The following CNTN5 variants were observed in gnomAD, a reference collection of about 807,000 sequenced individuals.
CNTN5 encodes contactin-5.
A neutral mutation model predicts 129.1 loss-of-function variants in CNTN5; 77 were observed. That is an observed-to-expected ratio of 0.60 (90% CI 0.50 to 0.72). The LOEUF (loss-of-function observed/expected upper bound fraction) is 0.72. Ranked by LOEUF, CNTN5 falls within the 30% of genes least tolerant of loss-of-function variation. The probability of loss-of-function intolerance (pLI) is 0.00; values close to 1 mark genes in which losing one functional copy is unlikely to be tolerated. For missense variants in CNTN5, 1,478 were observed against 1,328.8 expected (o/e 1.11, Z -1.75); for synonymous variants, 509 against 465.6 (o/e 1.09, Z -1.20).
chr11:99,294,771 C>T (rs578095080), intron 1 of CNTN5, among the ~76,000 whole-genome samples: 7 of 152,280 alleles, frequency 4.6e-5, no homozygotes, highest in Admixed American at 3.9e-4. Flanking sequence ...ACACCACTGT[C>T]GACGACGTTC....
chr11:99,745,381 C>T (rs1944020408), intron 3 of CNTN5, among the ~76,000 whole-genome samples: 1 of 152,132 alleles, frequency 6.6e-6, no homozygotes, highest in East Asian at 1.9e-4. Flanking sequence ...TTTCCAAAGG[C>T]TCGGTGTTCA....
chr11:100,261,585 G>T (rs1014253234), intron 17 of CNTN5, among the ~76,000 whole-genome samples: 1 of 152,098 alleles, frequency 6.6e-6, no homozygotes, highest in Non-Finnish European at 1.5e-5. Context: ...GCATGGTACT[G>T]GTACCAAAAC....
chr11:99,780,174 GTT>G lies in CNTN5; in HGVS notation c.56-39364_56-39363del, dbSNP rs200992241. ...TACTGTTATCAAGTCCTCCTTCTTAGTTTTTTTCCCCCCCTTCAGATTAATTA... is the reference window on the plus strand; with the variant it reads ...TACTGTTATCAAGTCCTCCTTCTTAGTTTTTCCCCCCCTTCAGATTAATTA... On this transcript the variant is annotated intron_variant, in intron 3 of 24. Transcript: ENST00000524871. 3.9e-5 allele frequency among the ~76,000 whole-genome samples: 6 copies of G among 151,912 alleles called. 1 individual carries two copies. The East Asian group carries it at 1.2e-3, about 30-fold the overall frequency.
At chr11:99,602,115 A>G (rs1950330166) in intron 3 of CNTN5, among the ~76,000 whole-genome samples, 1 of 152,126 alleles carries the variant, frequency 6.6e-6, no homozygotes, top group South Asian at 2.1e-4. Context: ...TAAGAATCTA[A>G]TAATAGATAC....
chr11:99,365,336 G>C (rs1414353680), intron 2 of CNTN5, among the ~76,000 whole-genome samples: 1 of 152,162 alleles, frequency 6.6e-6, no homozygotes, highest in Non-Finnish European at 1.5e-5. Flanking sequence ...AGTTAACATT[G>C]TTCAAACAGA....
chr11:100,352,232 A>G (rs1162282438), intron 24 of CNTN5, among the ~76,000 whole-genome samples: 2 of 151,660 alleles, frequency 1.3e-5, no homozygotes, highest in Non-Finnish European at 3.0e-5. Flanking sequence ...ATGTGTTCTC[A>G]TAATTTAGCT....
chr11:99,445,223 T>C (rs1000132070), intron 2 of CNTN5, among the ~76,000 whole-genome samples: 1 of 151,110 alleles, frequency 6.6e-6, no homozygotes, highest in African/African-American at 2.4e-5. Flanking sequence ...TGCATACATA[T>C]ATGTATGTAT....
intron 3 of CNTN5, among the ~76,000 whole-genome samples, chr11:99,774,110 T>G (rs753225431): frequency 6.6e-6 from 1 of 152,070 alleles, no homozygotes; most frequent in Non-Finnish European, 1.5e-5. Context: ...TGACATTTTT[T>G]CCAAGTTCTA....
chr11:99,557,547 A>G (rs1948713039), intron 3 of CNTN5, among the ~76,000 whole-genome samples: 1 of 151,614 alleles, frequency 6.6e-6, no homozygotes, highest in Non-Finnish European at 1.5e-5. Context: ...AAAAGGACTG[A>G]TAGAAGAACA....
At position 99,316,378 on chromosome 11, in the gene CNTN5, G is replaced by C. The variant is rs75082761; in HGVS notation, c.-209-8968G>C. 5.8e-3 allele frequency among the ~76,000 whole-genome samples: 879 copies of C among 152,164 alleles called. 3 individuals are homozygous for C. Among genetic ancestry groups the C allele is most frequent in the Admixed American group, 0.01 (158 of 15,278 alleles). On this transcript the variant is annotated intron_variant, in intron 1 of 24. Coordinates refer to ENST00000524871, the MANE Select transcript of CNTN5 (RefSeq NM_014361.4). ...ATCACAGATTTTTAGAGGGAAATGG[G>C]TATAATAAAATTGCCTATACATTTT... is the stretch of plus-strand genomic sequence containing the variant.
intron 2 of CNTN5, among the ~76,000 whole-genome samples, chr11:99,401,494 G>GT: frequency 6.6e-6 from 1 of 152,204 alleles, no homozygotes; most frequent in Admixed American, 6.5e-5. Context: ...TACCTCTGTA[G>GT]TATAATTTGA....
chr11:100,210,581 T>C (rs10501954), intron 15 of CNTN5, among the ~76,000 whole-genome samples: 4,679 of 152,226 alleles, frequency 0.031, 232 homozygotes, highest in African/African-American at 0.11. Context: ...TGTATATTGA[T>C]TAATGCATTT....
chr11:99,569,242 C>G (rs1949101200), intron 3 of CNTN5, among the ~76,000 whole-genome samples: 1 of 152,096 alleles, frequency 6.6e-6, no homozygotes, highest in African/African-American at 2.4e-5. Flanking sequence ...GTTTCATATA[C>G]AGGACCTAGC....
chr11:99,704,053 ATATATGTGTGTGTG>A (rs936197771), intron 3 of CNTN5, among the ~76,000 whole-genome samples: 1 of 149,606 alleles, frequency 6.7e-6, no homozygotes, highest in African/African-American at 2.4e-5. Context: ...GTGTATATAT[ATATATGTGTGTGTG>A]TGTATGTGTG....
chr11:99,696,240 T>C (rs922363074), intron 3 of CNTN5, among the ~76,000 whole-genome samples: 2 of 152,106 alleles, frequency 1.3e-5, no homozygotes, highest in Admixed American at 6.6e-5. Flanking sequence ...CAATAGAGCT[T>C]CCTTACATGT....
intron 9 of CNTN5, among the ~76,000 whole-genome samples, chr11:100,053,899 T>A (rs1002245258): frequency 6.6e-6 from 1 of 151,754 alleles, no homozygotes; most frequent in Non-Finnish European, 1.5e-5. Context: ...ACTACCGATG[T>A]GCACAACAAC....
chr11:99,851,183 G>C (rs1476284060), intron 6 of CNTN5, among the ~76,000 whole-genome samples: 1 of 152,032 alleles, frequency 6.6e-6, no homozygotes, highest in African/African-American at 2.4e-5. Context: ...GTTCAGCTTA[G>C]TTAGTGTTAA....
At chr11:100,193,448 C>A in intron 14 of CNTN5, 40 bp from the exon 15 acceptor site, 3 of 1,247,956 alleles carry the variant, frequency 2.4e-6, no homozygotes, top group Non-Finnish European at 3.3e-6. Flanking sequence ...GGTAACACAA[C>A]AGGTTGATTA....
chr11:99,433,391 G>A (rs2135116387), intron 2 of CNTN5, among the ~76,000 whole-genome samples: 1 of 51,538 alleles, frequency 1.9e-5, no homozygotes, highest in East Asian at 7.7e-4. Flanking sequence ...GTGTGTGTGT[G>A]TGTGTGTGTG....
Sources: gnomAD v4.1 joint callset for allele counts (sites outside exome capture counted in the v4.1 genomes callset) on GRCh38, gnomAD v4.1.1 for gene constraint, MANE v1.5 for transcripts, NCBI Gene and HGNC (gene_info 2026-07-23, HGNC 2026-07-21) for gene names.